Variants in SEMA6A observed in about 807,000 individuals in gnomAD.
SEMA6A encodes semaphorin 6A.
SEMA6A carries 25 observed loss-of-function variants against 96.8 expected under a neutral mutation model. That is an observed-to-expected ratio of 0.26 (90% CI 0.19 to 0.36). SEMA6A has a LOEUF of 0.36. Among genes scored for constraint, SEMA6A ranks in the 10% least tolerant of loss-of-function variants. The pLI is 1.00. For synonymous variants in SEMA6A, 612 were observed against 518.0 expected (o/e 1.18, Z -2.46); for missense variants, 1,363 against 1,323.1 (o/e 1.03, Z -0.47).
chr5:116,487,297 G>C (rs1580423908), intron 9 of SEMA6A: 2 of 256,280 alleles, frequency 7.8e-6, no homozygotes, highest in Non-Finnish European at 7.6e-6. Flanking sequence ...CACAATCTCT[G>C]CCATCCTCAC....
chr5:116,493,811 C>G (rs1007856290), intron 6 of SEMA6A, among the ~76,000 whole-genome samples: 1 of 152,174 alleles, frequency 6.6e-6, no homozygotes, highest in African/African-American at 2.4e-5. Context: ...ATCTATATTT[C>G]TCTCCACATC....
intron 6 of SEMA6A, 71 bp from the exon 7 acceptor site, chr5:116,491,901 T>A: frequency 7.8e-7 from 1 of 1,281,064 alleles, no homozygotes; most frequent in South Asian, 1.2e-5. Context: ...AGAAATAATT[T>A]CCAGGATGTG....
At chr5:116,567,304 G>C (rs1382900286) in intron 1 of SEMA6A, among the ~76,000 whole-genome samples, 1 of 152,052 alleles carries the variant, frequency 6.6e-6, no homozygotes, top group Non-Finnish European at 1.5e-5. Context: ...TGGTATGAAT[G>C]TTTGTTTCTA....
chr5:116,546,628 G>C (rs1760199102), intron 1 of SEMA6A, among the ~76,000 whole-genome samples: 1 of 152,188 alleles, frequency 6.6e-6, no homozygotes, highest in East Asian at 1.9e-4. Context: ...AAGGCTTTAA[G>C]ATTACTTGCC....
intron 1 of SEMA6A, among the ~76,000 whole-genome samples, chr5:116,568,156 G>A (rs1761083812): frequency 6.6e-6 from 1 of 152,108 alleles, no homozygotes; most frequent in Non-Finnish European, 1.5e-5. Flanking sequence ...TATATCCAGG[G>A]TCCAGAGTGG....
At chr5:116,503,767 G>A (rs756484005) in intron 2 of SEMA6A, among the ~76,000 whole-genome samples, 29 of 151,880 alleles carry the variant, frequency 1.9e-4, no homozygotes, top group Non-Finnish European at 3.7e-4. Flanking sequence ...CGCCCACCTC[G>A]GCCTCCCAAA....
intron 10 of SEMA6A, among the ~76,000 whole-genome samples, chr5:116,486,257 A>G (rs575744852): frequency 6.6e-6 from 1 of 152,324 alleles, no homozygotes; most frequent in Admixed American, 6.5e-5. Context: ...CCAATGTTTT[A>G]ACTTCAAAAG....
Position 116,562,671 on chromosome 5 carries a change from A to G in SEMA6A, c.-39+11514T>C, listed in dbSNP as rs879194290. The G allele has an allele frequency of 4.8e-5, 34 of 711,170 alleles. 1 individual carries two copies. Among genetic ancestry groups the G allele is most frequent in the South Asian group, 4.3e-4 (32 of 73,952 alleles). 44.1% of individuals were successfully genotyped at this position (711,170 alleles called of 1,614,324 possible). Reference sequence around the variant, plus strand: ...GTCCGCCATATCGTTGCACCCTTCAATGACACTTTTGTCCATGTCACTGAT... The same window carrying G: ...GTCCGCCATATCGTTGCACCCTTCAGTGACACTTTTGTCCATGTCACTGAT... On this transcript the variant is annotated intron_variant, in intron 1 of 18. Transcript: ENST00000343348.
intron 1 of SEMA6A, among the ~76,000 whole-genome samples, chr5:116,515,830 A>C (rs959008823): frequency 2.0e-5 from 3 of 152,206 alleles, no homozygotes; most frequent in African/African-American, 7.2e-5. Context: ...GTCAACTTCA[A>C]ACCTGGCTCC....
chr5:116,534,171 C>CA (rs1349943338), intron 1 of SEMA6A, among the ~76,000 whole-genome samples: 3 of 152,228 alleles, frequency 2.0e-5, no homozygotes, highest in Non-Finnish European at 4.4e-5. Context: ...AAAAGGCAAT[C>CA]AGACTATCTA....
intron 12 of SEMA6A, 40 bp from the exon 13 acceptor site, chr5:116,478,758 C>G: frequency 6.3e-7 from 1 of 1,595,266 alleles, no homozygotes; most frequent in Non-Finnish European, 8.5e-7. Context: ...CTTTGTTGGT[C>G]TATCATTAAA....
intron 18 of SEMA6A, among the ~76,000 whole-genome samples, chr5:116,455,879 G>A (rs1020606197): frequency 6.6e-6 from 1 of 152,140 alleles, no homozygotes; most frequent in Admixed American, 6.5e-5. Flanking sequence ...TCGGTCTCCA[G>A]GCCCCAGTAG....
intron 1 of SEMA6A, among the ~76,000 whole-genome samples, chr5:116,508,867 A>G (rs562391541): frequency 1.3e-5 from 2 of 152,304 alleles, no homozygotes; most frequent in East Asian, 3.9e-4. Flanking sequence ...GTTCTGAGGG[A>G]ACCTTTATAC....
intron 1 of SEMA6A, among the ~76,000 whole-genome samples, chr5:116,559,096 G>A (rs1031962733): frequency 1.3e-5 from 2 of 152,102 alleles, no homozygotes; most frequent in Non-Finnish European, 2.9e-5. Context: ...ATGTGCTTCC[G>A]TCTTCCTCCT....
intron 15 of SEMA6A, among the ~76,000 whole-genome samples, chr5:116,476,384 A>T (rs1756448433): frequency 6.6e-6 from 1 of 152,188 alleles, no homozygotes; most frequent in Admixed American, 6.5e-5. Context: ...CTGCTTTCAG[A>T]GTTTATTTAT....
chr5:116,498,408 C>CAT (rs1186530968), intron 3 of SEMA6A: 3 of 152,066 alleles, frequency 2.0e-5, no homozygotes, highest in African/African-American at 4.8e-5. Context: ...TTCACATATA[C>CAT]ATATATATAA....
At chr5:116,491,118 A>G (rs1757304099) in intron 7 of SEMA6A, among the ~76,000 whole-genome samples, 1 of 152,132 alleles carries the variant, frequency 6.6e-6, no homozygotes, top group Admixed American at 6.5e-5. Context: ...ATGATATTTG[A>G]GAAGATGTTT....
At chr5:116,560,157 T>C (rs1760764101) in intron 1 of SEMA6A, among the ~76,000 whole-genome samples, 1 of 152,170 alleles carries the variant, frequency 6.6e-6, no homozygotes, top group African/African-American at 2.4e-5. Context: ...TACGGAGACC[T>C]CACTCCGCAA....
intron 1 of SEMA6A, among the ~76,000 whole-genome samples, chr5:116,506,387 G>C (rs943489786): frequency 6.6e-6 from 1 of 152,180 alleles, no homozygotes; most frequent in Non-Finnish European, 1.5e-5. Flanking sequence ...TCTCTGATGT[G>C]TACATTAAAA....
Sources: gnomAD v4.1 joint callset for allele counts (sites outside exome capture counted in the v4.1 genomes callset) on GRCh38, gnomAD v4.1.1 for gene constraint, MANE v1.5 for transcripts, NCBI Gene and HGNC (gene_info 2026-07-23, HGNC 2026-07-21) for gene names.